Variants in NHSL1 observed in about 807,000 individuals in gnomAD.
NHSL1 encodes the protein NHS-like protein 1.
A neutral mutation model predicts 95.0 loss-of-function variants in NHSL1; 48 were observed. That is an observed-to-expected ratio of 0.51 (90% CI 0.40 to 0.64). NHSL1 has a LOEUF of 0.64. Ranked by LOEUF, NHSL1 falls within the 30% of genes least tolerant of loss-of-function variation. NHSL1 has a pLI of 0.00. For missense variants in NHSL1, 1,971 were observed against 2,077.7 expected (o/e 0.95, Z 1.00); for synonymous variants, 783 against 833.9 (o/e 0.94, Z 1.05).
At position 138,423,094 on chromosome 6, in the gene NHSL1, TAAAAAAA is replaced by T. The variant is rs35133107; in HGVS notation, c.*980_*986del. 64 of 129,936 alleles carry T rather than the reference TAAAAAAA, an allele frequency of 4.9e-4. No individual in the cohort carries two copies. The highest frequency in any genetic ancestry group is 3.9e-3 in the Middle Eastern group (1 of 256). 8.0% of individuals were successfully genotyped at this position (129,936 alleles called of 1,614,324 possible). ...GCCTAATGGAAGTTTAAACTCTGGT[TAAAAAAA>T]AAAAAAAAAAAAAACTGTTGTAAAA... On this transcript the variant is annotated 3_prime_UTR_variant, in exon 8 of 8. Transcript: ENST00000343505.
At chr6:138,621,385 T>C (rs1194235536) in intron 1 of NHSL1, among the ~76,000 whole-genome samples, 1 of 152,116 alleles carries the variant, frequency 6.6e-6, no homozygotes, top group Non-Finnish European at 1.5e-5. Context: ...CTCCATTATA[T>C]CTGGTCACTT....
intron 1 of NHSL1, among the ~76,000 whole-genome samples, chr6:138,559,202 T>A (rs1488426918): frequency 6.6e-6 from 1 of 152,232 alleles, no homozygotes; most frequent in African/African-American, 2.4e-5. Context: ...CTATGGGGGA[T>A]GGACAGTAGG....
chr6:138,514,599 C>T (rs932516484), intron 1 of NHSL1, among the ~76,000 whole-genome samples: 3 of 151,802 alleles, frequency 2.0e-5, no homozygotes, highest in Non-Finnish European at 4.4e-5. Context: ...ATGTGGTCTC[C>T]CTCTCTCTTT....
intron 1 of NHSL1, 33 bp downstream of exon 1, chr6:138,499,200 C>A: frequency 7.2e-7 from 1 of 1,386,180 alleles, no homozygotes; most frequent in Non-Finnish European, 1.0e-6. Context: ...CATATGCACA[C>A]AATAGGTAGT....
At chr6:138,615,212 C>T (rs551762998) in intron 1 of NHSL1, among the ~76,000 whole-genome samples, 1 of 152,188 alleles carries the variant, frequency 6.6e-6, no homozygotes, top group Non-Finnish European at 1.5e-5. Flanking sequence ...GCCTTCCAGC[C>T]CACACCCTCC....
chr6:138,429,912 A>G (rs1775518973), intron 6 of NHSL1, 69 bp from the exon 7 acceptor site: 6 of 1,456,768 alleles, frequency 4.1e-6, no homozygotes, highest in African/African-American at 1.4e-5. Context: ...CCAAGCTTCT[A>G]AATATGCTGC....
At chr6:138,545,150 C>T (rs1181066636) in intron 1 of NHSL1, among the ~76,000 whole-genome samples, 1 of 151,908 alleles carries the variant, frequency 6.6e-6, no homozygotes, top group Non-Finnish European at 1.5e-5. Flanking sequence ...GCCACCACGC[C>T]CAGCCTAGAA....
At chr6:138,473,606 C>T (rs7765940) in intron 2 of NHSL1, among the ~76,000 whole-genome samples, 173 bp from the exon 3 acceptor site, 19,840 of 152,150 alleles carry the variant, frequency 0.13, 1,341 homozygotes, top group Middle Eastern at 0.16. Context: ...ACCTACTACA[C>T]ACTACATACC....
intron 2 of NHSL1, among the ~76,000 whole-genome samples, chr6:138,479,850 C>A (rs541827331): frequency 5.3e-5 from 8 of 152,052 alleles, no homozygotes; most frequent in African/African-American, 1.7e-4. Context: ...AGGAAGCATA[C>A]GATGCAGTGA....
intron 1 of NHSL1, among the ~76,000 whole-genome samples, chr6:138,660,418 T>C (rs954037957): frequency 6.6e-6 from 1 of 152,046 alleles, no homozygotes; most frequent in East Asian, 1.9e-4. Context: ...ACTCCACCCT[T>C]GAAATCTCGG....
At chr6:138,490,978 T>G (rs1288138130) in intron 2 of NHSL1, among the ~76,000 whole-genome samples, 1 of 152,216 alleles carries the variant, frequency 6.6e-6, no homozygotes, top group Non-Finnish European at 1.5e-5. Flanking sequence ...TGCACCATTG[T>G]TTTTAATCAC....
chr6:138,547,114 G>A (rs1250549212), upstream of NHSL1, among the ~76,000 whole-genome samples: 1 of 152,088 alleles, frequency 6.6e-6, no homozygotes, highest in Non-Finnish European at 1.5e-5. Context: ...TCTGTGTCCT[G>A]GGGTGCTCAC....
chr6:138,670,665 C>CAAAAA (rs370888768), intron 1 of NHSL1, among the ~76,000 whole-genome samples: 6 of 69,340 alleles, frequency 8.7e-5, no homozygotes, highest in South Asian at 5.4e-4. Context: ...GACTCCGTCT[C>CAAAAA]AAAAAAAAAA....
At chr6:138,533,556 T>TA (rs1782222346) in intron 1 of NHSL1, among the ~76,000 whole-genome samples, 1 of 152,044 alleles carries the variant, frequency 6.6e-6, no homozygotes, top group Admixed American at 6.6e-5. Context: ...CTCAAAAAAA[T>TA]AAAAAATAAA....
At chr6:138,475,167 A>T (rs1778990126) in intron 2 of NHSL1, among the ~76,000 whole-genome samples, 1 of 150,022 alleles carries the variant, frequency 6.7e-6, no homozygotes, top group Non-Finnish European at 1.5e-5. Flanking sequence ...AAAAAAAAAG[A>T]AGTTTTATTC....
chr6:138,631,497 T>C (rs943127920), intron 1 of NHSL1, among the ~76,000 whole-genome samples: 52 of 152,128 alleles, frequency 3.4e-4, no homozygotes, highest in Admixed American at 1.4e-3. Context: ...GAGGAGGACA[T>C]TGTCTTGCAT....
intron 1 of NHSL1, among the ~76,000 whole-genome samples, chr6:138,640,550 T>C (rs1187212650): frequency 1.3e-5 from 2 of 152,192 alleles, no homozygotes; most frequent in Non-Finnish European, 2.9e-5. Context: ...CCACTTCCAC[T>C]AATGAATAGT....
chr6:138,445,016 A>C (rs1313194193), intron 4 of NHSL1, among the ~76,000 whole-genome samples: 1 of 152,174 alleles, frequency 6.6e-6, no homozygotes, highest in Non-Finnish European at 1.5e-5. Flanking sequence ...GTAGCATTTT[A>C]AAGGCCTCTC....
Position 138,536,742 on chromosome 6 carries a change from T to C in NHSL1, c.16+8881A>G, listed in dbSNP as rs187716889. Reference sequence around the variant, plus strand: ...TACCCGTCATCTAGGTTTTAAGCCCTGCATGCATTAGGGATTTGTCCTAAT... The same window carrying C: ...TACCCGTCATCTAGGTTTTAAGCCCCGCATGCATTAGGGATTTGTCCTAAT... On this transcript the variant is annotated intron_variant, in intron 1 of 4. Transcript: ENST00000342260. Among the ~76,000 whole-genome samples the C allele has an allele frequency of 6.5e-3, 981 of 151,552 alleles. 8 individuals carry two copies. The highest frequency in any genetic ancestry group is 0.022 in the African/African-American group (927 of 41,380).
Sources: allele counts gnomAD v4.1 joint callset (sites outside exome capture counted in the v4.1 genomes callset), GRCh38; gene constraint gnomAD v4.1.1; transcripts MANE v1.5; gene names NCBI Gene and HGNC (gene_info 2026-07-23, HGNC 2026-07-21).